Variants in DYNC1H1 observed in about 807,000 individuals in gnomAD.
The protein encoded by DYNC1H1 is dynein cytoplasmic 1 heavy chain 1, also known as cytoplasmic dynein 1 heavy chain 1.
DYNC1H1 carries 51 observed loss-of-function variants against 527.1 expected under a neutral mutation model. That is an observed-to-expected ratio of 0.10 (90% confidence interval 0.08 to 0.12). The LOEUF is 0.12. Ranked by LOEUF, DYNC1H1 falls within the 10% of genes least tolerant of loss-of-function variation. The probability of loss-of-function intolerance (pLI) is 1.00; values close to 1 mark genes in which losing one functional copy is unlikely to be tolerated. For missense variants in DYNC1H1, 2,771 were observed against 5,971.8 expected (o/e 0.46, Z 17.66); for synonymous variants, 2,189 against 2,278.8 (o/e 0.96, Z 1.12).
Position 101,985,932 on chromosome 14 carries a change from G to C in DYNC1H1, c.1707G>C (p.Arg569=), listed in dbSNP as rs2047932039. 2 of 1,614,086 alleles carry C rather than the reference G, an allele frequency of 1.2e-6. No homozygotes were observed. Among genetic ancestry groups the C allele is most frequent in the Non-Finnish European group, 1.7e-6 (2 of 1,180,054 alleles). Residue 569 remains arginine, a synonymous_variant, in exon 8 of 78, where the codon CGG becomes CGC. Coordinates refer to ENST00000360184, the MANE Select transcript of DYNC1H1 (RefSeq NM_001376.5). This position sits in a 1 kb window ranked among gnomAD's most constrained non-coding sequence, Gnocchi z 5.9. ...AGACCCGGATCACCGCTCGCCTTCGGGATCAGCTTGGCACAGCCAAGAATG... is the reference window on the plus strand; with the variant it reads ...AGACCCGGATCACCGCTCGCCTTCGCGATCAGCTTGGCACAGCCAAGAATG... ...RVETRITARL[R]DQLGTAKNAN...
Position 102,038,341 on chromosome 14 carries a change from C to CAAGT in DYNC1H1, c.10909-118_10909-115dup, listed in dbSNP as rs1471061926. 5 of 1,519,452 alleles carry CAAGT rather than the reference C, an allele frequency of 3.3e-6. No homozygotes were observed. In the East Asian group the frequency reaches 7.2e-5, roughly 22 times the overall value. The allele number at this position is 1,519,452 out of a possible 1,614,324, so 94.1% of individuals were successfully genotyped here. ...ACACATAGCTAGTGGCCACCACACGCAAGTGGCGGGTGGCTTTTGGGAAGG... is the reference window on the plus strand; with the variant it reads ...ACACATAGCTAGTGGCCACCACACGCAAGTAAGTGGCGGGTGGCTTTTGGGAAGG... On this transcript the variant is annotated intron_variant, in intron 57 of 77. Coordinates refer to ENST00000360184, the MANE Select transcript of DYNC1H1 (RefSeq NM_001376.5). This position sits in a 1 kb window ranked among gnomAD's most constrained non-coding sequence, Gnocchi z 7.2.
In DYNC1H1 at chr14:102,044,546, C is replaced by A; in HGVS notation, c.12903-49C>A. 1 of 1,613,824 alleles carries A rather than the reference C, an allele frequency of 6.2e-7. No homozygotes were observed. Among genetic ancestry groups the A allele is most frequent in the Non-Finnish European group, 8.5e-7 (1 of 1,179,736 alleles). On this transcript the variant is annotated intron_variant, in intron 71 of 77. Transcript: ENST00000360184. This position sits in a 1 kb window ranked among gnomAD's most constrained non-coding sequence, Gnocchi z 7.1. ...GTTGTGATGTCAGGGCGTCTGGTGT[C>A]ACTCAGAGGTGACCCCTGACATCAT...
At position 102,011,305 on chromosome 14, in the gene DYNC1H1, G is replaced by A. The variant is rs1417443294; in HGVS notation, c.6618+353G>A. 1 of 376,444 alleles carries A rather than the reference G, an allele frequency of 2.7e-6. No individual in the cohort carries two copies. The highest frequency in any genetic ancestry group is 5.1e-6 in the Non-Finnish European group (1 of 197,208). 23.3% of individuals were successfully genotyped at this position (376,444 alleles called of 1,614,324 possible). The stretch of plus-strand genomic sequence containing the variant: ...CTGATCAATACGTAGTTTACATTCT[G>A]TATTGGCTTCTTTCCTTCCTCTATG... On this transcript the variant is annotated intron_variant, in intron 32 of 77. Coordinates refer to ENST00000360184, the MANE Select transcript of DYNC1H1 (RefSeq NM_001376.5). This position sits in a 1 kb window ranked among gnomAD's most constrained non-coding sequence, Gnocchi z 5.3.
Position 101,985,963 on chromosome 14 carries a change from G to T in DYNC1H1, c.1738G>T (p.Glu580Ter). 6.2e-7 allele frequency: 1 copy of T among 1,614,174 alleles called. No individual in the cohort carries two copies. The highest frequency in any genetic ancestry group is 8.5e-7 in the Non-Finnish European group (1 of 1,180,040). The change falls in exon 8 of 78, where the codon GAG becomes TAG. Residue 580 changes from glutamate (E) to a stop codon, truncating the protein, a stop_gained. Coordinates refer to ENST00000360184, the MANE Select transcript of DYNC1H1 (RefSeq NM_001376.5). LOFTEE classifies it high-confidence loss of function. The surrounding 1 kb of genome is among the most constrained non-coding windows in gnomAD (Gnocchi z 5.9). ...GCTTGGCACAGCCAAGAATGCCAAC[G>T]AGATGTTTAGGATTTTCTCCAGGTT... ...DQLGTAKNAN[E>*]MFRIFSRFNA...
chr14:101,979,594 G>A lies in DYNC1H1; in HGVS notation c.518+102G>A, dbSNP rs565927451. On this transcript the variant is annotated intron_variant, in intron 3 of 77. Coordinates refer to ENST00000360184, the MANE Select transcript of DYNC1H1 (RefSeq NM_001376.5). The surrounding 1 kb of genome is among the most constrained non-coding windows in gnomAD (Gnocchi z 4.6). ...ATTGGGAGGGTAACGCTAGTGAGCCGAGGGGATATAAACCCTGTGTATTAA... is the reference window on the plus strand; with the variant it reads ...ATTGGGAGGGTAACGCTAGTGAGCCAAGGGGATATAAACCCTGTGTATTAA... The A allele has an allele frequency of 5.2e-5, 84 of 1,605,158 alleles. No individual in the cohort carries two copies. Among genetic ancestry groups the A allele is most frequent in the African/African-American group, 1.1e-4 (8 of 74,858 alleles).
chr14:102,033,607 C>A lies in DYNC1H1; in HGVS notation c.10413+123C>A. 1 of 1,296,038 alleles carries A rather than the reference C, an allele frequency of 7.7e-7. No individual in the cohort carries two copies. The highest frequency in any genetic ancestry group is 1.3e-5 in the South Asian group (1 of 78,938). 80.3% of individuals were successfully genotyped at this position (1,296,038 alleles called of 1,614,324 possible). On this transcript the variant is annotated intron_variant, in intron 54 of 77. Coordinates refer to ENST00000360184, the MANE Select transcript of DYNC1H1 (RefSeq NM_001376.5). This position sits in a 1 kb window ranked among gnomAD's most constrained non-coding sequence, Gnocchi z 5.6. The stretch of plus-strand genomic sequence containing the variant: ...ATTCGCTCTTTAACATCTGTAAGGC[C>A]CCGGAGGACTTTTTTCCTGGAAAAT...
Position 102,012,944 on chromosome 14 carries a change from C to A in DYNC1H1, c.7014+474C>A, listed in dbSNP as rs947930021. Reference sequence around the variant, plus strand: ...GACCCTGTTCTAGATGCTGAAAATACAGCAGTAAGAAAGCAAGAAGACAGG... The same window carrying A: ...GACCCTGTTCTAGATGCTGAAAATAAAGCAGTAAGAAAGCAAGAAGACAGG... On this transcript the variant is annotated intron_variant, in intron 34 of 77. Transcript: ENST00000360184. This position sits in a 1 kb window ranked among gnomAD's most constrained non-coding sequence, Gnocchi z 4.9. 33 of 204,478 alleles carry A rather than the reference C, an allele frequency of 1.6e-4. No individual in the cohort carries two copies. The highest frequency in any genetic ancestry group is 7.5e-4 in the African/African-American group (32 of 42,908). The allele number at this position is 204,478 out of a possible 1,614,324, so 12.7% of individuals were successfully genotyped here. A position where few individuals can be genotyped will look rare whatever the true frequency, so the allele number is the denominator to read the frequency against.
rs1595630189 is a variant in DYNC1H1, at chr14:102,039,840, C to A, written c.11690+108C>A. 1.4e-5 allele frequency: 13 copies of A among 961,850 alleles called. No individual in the cohort carries two copies. The South Asian group carries it at 1.6e-4, about 12-fold the overall frequency. The allele number at this position is 961,850 out of a possible 1,614,324, so 59.6% of individuals were successfully genotyped here. ...TTTCTTTTATTTTCTCTTTTATTTT[C>A]TTTATTTTATTTTTTGAGACGGAGT... On this transcript the variant is annotated intron_variant, in intron 62 of 77. Coordinates refer to ENST00000360184, the MANE Select transcript of DYNC1H1 (RefSeq NM_001376.5). This position sits in a 1 kb window ranked among gnomAD's most constrained non-coding sequence, Gnocchi z 7.0.
intron 9 of DYNC1H1, 148 bp from the exon 10 acceptor site, chr14:101,988,555 A>C: frequency 1.9e-6 from 2 of 1,038,488 alleles, no homozygotes; most frequent in Non-Finnish European, 2.9e-6. Context: ...AGAAAGTGAG[A>C]AAGTGAGATT....
intron 15 of DYNC1H1, among the ~76,000 whole-genome samples, chr14:101,996,637 G>A (rs1036809891): frequency 3.3e-5 from 5 of 151,552 alleles, no homozygotes; most frequent in Admixed American, 1.3e-4. Flanking sequence ...GTTTTGTTTT[G>A]TTTGAGGCAG....
In DYNC1H1 at chr14:102,016,023, G is replaced by T. The variant is rs139109090; in HGVS notation, c.7410G>T (p.Ala2470=). 2.0e-5 allele frequency: 32 copies of T among 1,613,484 alleles called. No individual in the cohort carries two copies. The Admixed American group carries it at 2.0e-4, about 10-fold the overall frequency. Reference sequence around the variant, plus strand: ...TGCACCAGGCCTGCCGCAACGTGGCGCAGTATAACGCCAACCATCCCGACT... The same window carrying T: ...TGCACCAGGCCTGCCGCAACGTGGCTCAGTATAACGCCAACCATCCCGACT... The part of the protein sequence containing the change: ...SMLHQACRNV[A]QYNANHPDFP... The change falls in exon 36 of 78, where the codon GCG becomes GCT. Residue 2470 remains alanine, a synonymous_variant. Coordinates refer to ENST00000360184, the MANE Select transcript of DYNC1H1 (RefSeq NM_001376.5). The surrounding 1 kb of genome is among the most constrained non-coding windows in gnomAD (Gnocchi z 7.3).
In DYNC1H1 at chr14:102,022,951, C is replaced by T. The variant is rs759401749; in HGVS notation, c.8637+71C>T. The T allele has an allele frequency of 6.2e-6, 10 of 1,608,136 alleles. No individual in the cohort carries two copies. In the South Asian group the frequency reaches 7.7e-5, roughly 12 times the overall value. ...CCTTTCTAACACTAACGAATTCTAACGAATTATCTTCTACTCAAAAATATC... is the reference window on the plus strand; with the variant it reads ...CCTTTCTAACACTAACGAATTCTAATGAATTATCTTCTACTCAAAAATATC... On this transcript the variant is annotated intron_variant, in intron 43 of 77. Coordinates refer to ENST00000360184, the MANE Select transcript of DYNC1H1 (RefSeq NM_001376.5).
chr14:102,026,236 TG>T (rs1350186542), intron 43 of DYNC1H1, among the ~76,000 whole-genome samples: 1 of 152,120 alleles, frequency 6.6e-6, no homozygotes, highest in Non-Finnish European at 1.5e-5. Flanking sequence ...CTCCCACCAC[TG>T]AGATTTTGAC....
At position 102,036,392 on chromosome 14, in the gene DYNC1H1, T is replaced by G; in HGVS notation, c.10755-97T>G. The G allele has an allele frequency of 6.5e-7, 1 of 1,543,266 alleles. No homozygotes were observed. Among genetic ancestry groups the G allele is most frequent in the Admixed American group, 1.7e-5 (1 of 59,730 alleles). On this transcript the variant is annotated intron_variant, in intron 56 of 77. Transcript: ENST00000360184. The surrounding 1 kb of genome is among the most constrained non-coding windows in gnomAD (Gnocchi z 5.6). ...CCACTCTCGGGTGGTGGTAACAGCCTATCAATCAGGGTCTCTCATCAGGGA... is the reference window on the plus strand; with the variant it reads ...CCACTCTCGGGTGGTGGTAACAGCCGATCAATCAGGGTCTCTCATCAGGGA...
chr14:101,972,975 T>G (rs1267923934), intron 1 of DYNC1H1, among the ~76,000 whole-genome samples: 1 of 152,174 alleles, frequency 6.6e-6, no homozygotes, highest in Non-Finnish European at 1.5e-5. Context: ...TAATCGTGTG[T>G]GGCTGCTTTC....
At chr14:102,007,777 A>G (rs1009464589) in intron 28 of DYNC1H1, among the ~76,000 whole-genome samples, 1 of 152,222 alleles carries the variant, frequency 6.6e-6, no homozygotes, top group African/African-American at 2.4e-5. Context: ...ACCATATCCA[A>G]GCAGCACAGG....
chr14:102,038,023 TTA>T lies in DYNC1H1; in HGVS notation c.10909-435_10909-434del, dbSNP rs2048598472. The T allele has an allele frequency of 3.3e-6, 1 of 305,390 alleles. No homozygotes were observed. 18.9% of individuals were successfully genotyped at this position (305,390 alleles called of 1,614,324 possible). A position where few individuals can be genotyped will look rare whatever the true frequency, so the allele number is the denominator to read the frequency against. ...AGGAACTGAGTTTTAATTTTTTATT[TTA>T]TGTTTTTTTGAGACAGAGTGTTGCT... On this transcript the variant is annotated intron_variant, in intron 57 of 77. Coordinates refer to ENST00000360184, the MANE Select transcript of DYNC1H1 (RefSeq NM_001376.5). The surrounding 1 kb of genome is among the most constrained non-coding windows in gnomAD (Gnocchi z 7.2).
At chr14:102,050,322 C>G in intron 77 of DYNC1H1, 113 bp from the exon 78 acceptor site, 3 of 1,610,114 alleles carry the variant, frequency 1.9e-6, no homozygotes, top group Non-Finnish European at 2.5e-6. Context: ...AGAGGAAATC[C>G]ATTTCGCACC....
chr14:102,016,591 A>G lies in DYNC1H1; in HGVS notation c.7614+102A>G. The G allele has an allele frequency of 6.2e-7, 1 of 1,602,580 alleles. No individual in the cohort carries two copies. The highest frequency in any genetic ancestry group is 1.1e-5 in the South Asian group (1 of 90,266). ...GACCTTGGCTTCGTCTTTTCATTTTATTCCATTTCATAGAAGGACTTTATC... is the reference window on the plus strand; with the variant it reads ...GACCTTGGCTTCGTCTTTTCATTTTGTTCCATTTCATAGAAGGACTTTATC... On this transcript the variant is annotated intron_variant, in intron 37 of 77. Transcript: ENST00000360184. This position sits in a 1 kb window ranked among gnomAD's most constrained non-coding sequence, Gnocchi z 7.3.
Sources: gnomAD v4.1 joint callset for allele counts (sites outside exome capture counted in the v4.1 genomes callset) on GRCh38, gnomAD v4.1.1 for gene constraint, Gnocchi (gnomAD v3.1) non-coding constraint, MANE v1.5 for transcripts, NCBI Gene and HGNC (gene_info 2026-07-23, HGNC 2026-07-21) for gene names.